The following FGF14 variants were observed in gnomAD, a reference collection of about 807,000 sequenced individuals.
FGF14 encodes the protein fibroblast growth factor 14.
Under a neutral mutation model 25.5 loss-of-function variants are expected in FGF14, and 5 were observed. The observed-to-expected ratio is 0.20, with a 90% CI of 0.10 to 0.41. The LOEUF (loss-of-function observed/expected upper bound fraction) is 0.41. Among genes scored for constraint, FGF14 ranks in the 10% least tolerant of loss-of-function variants. The pLI, the probability that FGF14 is intolerant of heterozygous loss-of-function variation, is 1.00. For missense variants in FGF14, 222 were observed against 320.1 expected (o/e 0.69, Z 2.34); for synonymous variants, 138 against 118.3 (o/e 1.17, Z -1.08).
Position 102,087,407 on chromosome 13 carries a change from C to CTTTTTTTTTTT in FGF14, c.209-212122_209-212112dup, listed in dbSNP as rs71125043. On this transcript the variant is annotated intron_variant, in intron 1 of 4. Coordinates refer to the FGF14 transcript ENST00000376131. ...AATAGTAAAAAATAGACTGTAATTT[C>CTTTTTTTTTTT]TTTTTTTTTTTTTTTTTTTTTTGAG... Among the ~76,000 whole-genome samples the CTTTTTTTTTTT allele has an allele frequency of 1.3e-4, 11 of 84,442 alleles. 1 individual carries two copies. The highest frequency in any genetic ancestry group is 1.8e-4 in the African/African-American group (4 of 22,714). 55.4% of individuals were successfully genotyped at this position (84,442 alleles called of 152,430 possible).
intron 1 of FGF14, among the ~76,000 whole-genome samples, chr13:101,886,786 ACTAT>A (rs1266443885): frequency 2.6e-5 from 4 of 152,192 alleles, no homozygotes; most frequent in Non-Finnish European, 4.4e-5. Context: ...ATATTTGCCA[ACTAT>A]CTATCTAACA....
intron 1 of FGF14, among the ~76,000 whole-genome samples, chr13:101,963,977 G>C (rs888064713): frequency 6.6e-6 from 1 of 152,152 alleles, no homozygotes; most frequent in African/African-American, 2.4e-5. Flanking sequence ...GTAATAAAAA[G>C]ATATAATAAT....
intron 1 of FGF14, among the ~76,000 whole-genome samples, chr13:102,352,705 G>A (rs567763644): frequency 1.3e-5 from 2 of 151,910 alleles, no homozygotes; most frequent in African/African-American, 4.8e-5. Context: ...CCAGCTACTC[G>A]GGAGGCTGAG....
chr13:101,787,647 G>C (rs1345713771), intron 3 of FGF14, among the ~76,000 whole-genome samples: 2 of 152,042 alleles, frequency 1.3e-5, no homozygotes, highest in African/African-American at 4.8e-5. Flanking sequence ...TTTCTTTCTG[G>C]GTAGCAAGCA....
At chr13:101,888,121 T>C (rs1225052983) in intron 1 of FGF14, among the ~76,000 whole-genome samples, 1 of 152,138 alleles carries the variant, frequency 6.6e-6, no homozygotes, top group Non-Finnish European at 1.5e-5. Context: ...GTGAGGCTGA[T>C]GGCAGTCTGC....
In FGF14 at chr13:102,301,306, A is replaced by G. The variant is rs560908839; in HGVS notation, c.208+100165T>C. 2.6e-5 allele frequency among the ~76,000 whole-genome samples: 4 copies of G among 152,322 alleles called. No individual in the cohort carries two copies. In the South Asian group the frequency reaches 8.3e-4, roughly 32 times the overall value. ...CCTTATACATATTTATATGGAGTTG[A>G]CTTTTTAAAAAGAGTTTTCAACAAA... On this transcript the variant is annotated intron_variant, in intron 1 of 4. Coordinates refer to the FGF14 transcript ENST00000376131.
intron 1 of FGF14, among the ~76,000 whole-genome samples, chr13:101,951,311 T>C (rs902873466): frequency 9.9e-5 from 15 of 152,126 alleles, no homozygotes; most frequent in African/African-American, 3.6e-4. Context: ...GGGCACAAGT[T>C]CAGAGGTTTT....
At chr13:102,133,069 AATGG>A (rs1310334602) in intron 1 of FGF14, among the ~76,000 whole-genome samples, 1 of 152,242 alleles carries the variant, frequency 6.6e-6, no homozygotes, top group Non-Finnish European at 1.5e-5. Flanking sequence ...ATTATATTGA[AATGG>A]ATTGTTGACC....
At chr13:102,373,412 C>T (rs983165769) in intron 1 of FGF14, 1 of 152,196 alleles carries the variant, frequency 6.6e-6, no homozygotes, top group African/African-American at 2.4e-5. Context: ...CATCCCTTCT[C>T]TGTTTCCCCA....
intron 1 of FGF14, among the ~76,000 whole-genome samples, chr13:102,077,715 A>G (rs2043427258): frequency 1.3e-5 from 2 of 152,186 alleles, no homozygotes; most frequent in Non-Finnish European, 2.9e-5. Context: ...GCTTTTATGG[A>G]AGACAATATG....
rs140786245 is a variant in FGF14, at chr13:102,383,948, A to G, written c.208+17523T>C. 3.0e-3 allele frequency among the ~76,000 whole-genome samples: 452 copies of G among 152,332 alleles called. 1 individual carries two copies. The highest frequency in any genetic ancestry group is 5.2e-3 in the Non-Finnish European group (352 of 68,034). ...CTTTTTTAAAAGGAGACCAACTCTC[A>G]TATGTTAAAATGTAATATCAGTTCT... On this transcript the variant is annotated intron_variant, in intron 1 of 4. Coordinates refer to the FGF14 transcript ENST00000376131.
At chr13:101,929,302 GAGAT>G (rs1220270398) in intron 1 of FGF14, among the ~76,000 whole-genome samples, 1 of 152,170 alleles carries the variant, frequency 6.6e-6, no homozygotes, top group Non-Finnish European at 1.5e-5. Flanking sequence ...AAAAAGATGG[GAGAT>G]AGTCACCAGC....
chr13:102,211,964 T>C (rs1047319998), intron 1 of FGF14, among the ~76,000 whole-genome samples: 1 of 152,212 alleles, frequency 6.6e-6, no homozygotes, highest in African/African-American at 2.4e-5. Flanking sequence ...TTCCATTAAG[T>C]CAAGCTCCCT....
At position 102,280,702 on chromosome 13, in the gene FGF14, T is replaced by G. The variant is rs543035331; in HGVS notation, c.208+120769A>C. Among the ~76,000 whole-genome samples, 9 of 152,282 alleles carry G rather than the reference T, an allele frequency of 5.9e-5. No individual in the cohort carries two copies. The South Asian group carries it at 1.9e-3, about 32-fold the overall frequency. On this transcript the variant is annotated intron_variant, in intron 1 of 4. Coordinates refer to the FGF14 transcript ENST00000376131. ...TTTGAATGGTGGTTTTTGTTTTATT[T>G]TGGAGTATGCATGAGATAAAGAAAT... is the stretch of plus-strand genomic sequence containing the variant.
chr13:101,788,949 C>CAG (rs60324795), intron 3 of FGF14, among the ~76,000 whole-genome samples: 22 of 74,992 alleles, frequency 2.9e-4, no homozygotes, highest in African/African-American at 8.7e-4. Flanking sequence ...GAGAGAGAGA[C>CAG]AGAGAGAGAG....
intron 3 of FGF14, among the ~76,000 whole-genome samples, chr13:101,803,128 CTTT>C (rs538040504): frequency 9.8e-5 from 13 of 132,948 alleles, no homozygotes; most frequent in Admixed American, 2.3e-4. Context: ...CATTTTGAAA[CTTT>C]TTTTTTTTTT....
intron 1 of FGF14, among the ~76,000 whole-genome samples, chr13:102,085,159 A>G (rs1055566195): frequency 4.6e-5 from 7 of 152,308 alleles, no homozygotes; most frequent in Admixed American, 1.3e-4. Flanking sequence ...TTTTTTGATC[A>G]GTAAAATTCA....
chr13:101,920,072 T>C (rs1277250605), upstream of FGF14, among the ~76,000 whole-genome samples: 1 of 152,170 alleles, frequency 6.6e-6, no homozygotes, highest in African/African-American at 2.4e-5. Context: ...CAAAACGCTG[T>C]TTAGTTGTTT....
At chr13:102,175,993 A>G (rs1250071456) in intron 1 of FGF14, among the ~76,000 whole-genome samples, 1 of 152,068 alleles carries the variant, frequency 6.6e-6, no homozygotes, top group East Asian at 1.9e-4. Context: ...TACAACCCCC[A>G]CGGAAAACAG....
Sources: gnomAD v4.1 joint callset for allele counts (sites outside exome capture counted in the v4.1 genomes callset) on GRCh38, gnomAD v4.1.1 for gene constraint, MANE v1.5 for transcripts, NCBI Gene and HGNC (gene_info 2026-07-23, HGNC 2026-07-21) for gene names.